Variants in AGAP1 observed in about 807,000 individuals in gnomAD.
AGAP1 encodes the protein ArfGAP with GTPase domain, ankyrin repeat and PH domain 1.
Under a neutral mutation model 105.3 loss-of-function variants are expected in AGAP1, and 29 were observed. The observed-to-expected ratio is 0.28, with a 90% CI of 0.21 to 0.38. AGAP1 has a LOEUF of 0.38. Among genes scored for constraint, AGAP1 ranks in the 10% least tolerant of loss-of-function variants. The probability of loss-of-function intolerance (pLI) is 1.00; values close to 1 mark genes in which losing one functional copy is unlikely to be tolerated. For synonymous variants in AGAP1, 509 were observed against 485.9 expected (o/e 1.05, Z -0.63); for missense variants, 998 against 1,165.1 (o/e 0.86, Z 2.09).
intron 11 of AGAP1, among the ~76,000 whole-genome samples, chr2:235,916,479 T>A (rs1385720743): frequency 1.3e-5 from 2 of 152,254 alleles, no homozygotes; most frequent in African/African-American, 2.4e-5. Context: ...AGAGTTGTAT[T>A]AGCTTCCACA....
At chr2:235,571,648 G>A (rs1944518171) in intron 1 of AGAP1, among the ~76,000 whole-genome samples, 1 of 152,074 alleles carries the variant, frequency 6.6e-6, no homozygotes, top group Non-Finnish European at 1.5e-5. Flanking sequence ...GTGTTACAGG[G>A]AAATTGTGAA....
chr2:235,846,807 T>C (rs1327241628), intron 9 of AGAP1, among the ~76,000 whole-genome samples: 1 of 152,182 alleles, frequency 6.6e-6, no homozygotes, highest in Non-Finnish European at 1.5e-5. Flanking sequence ...TGGCTTTTTT[T>C]GTAGAGAACA....
At chr2:235,605,621 C>T (rs767728328) in intron 1 of AGAP1, among the ~76,000 whole-genome samples, 13 of 152,160 alleles carry the variant, frequency 8.5e-5, no homozygotes, top group East Asian at 7.7e-4. Flanking sequence ...AGAAGGAAAG[C>T]GATATTTAAG....
At chr2:235,862,913 G>A (rs1416338984) in intron 9 of AGAP1, among the ~76,000 whole-genome samples, 2 of 152,166 alleles carry the variant, frequency 1.3e-5, no homozygotes, top group Admixed American at 6.5e-5. Context: ...CTGTGTGCAT[G>A]CTTTTTCTAA....
intron 10 of AGAP1, among the ~76,000 whole-genome samples, chr2:235,896,018 TATC>T (rs1386215650): frequency 1.3e-5 from 2 of 152,214 alleles, no homozygotes; most frequent in Non-Finnish European, 2.9e-5. Context: ...TGTTCAGTAG[TATC>T]ATATACGTTC....
chr2:235,543,673 T>G (rs893410996), intron 1 of AGAP1, among the ~76,000 whole-genome samples: 4 of 152,110 alleles, frequency 2.6e-5, no homozygotes, highest in Non-Finnish European at 4.4e-5. Flanking sequence ...GACCTCACTC[T>G]CCAAGGATCT....
At chr2:235,833,488 C>A (rs1213466578) in intron 9 of AGAP1, among the ~76,000 whole-genome samples, 1 of 151,980 alleles carries the variant, frequency 6.6e-6, no homozygotes, top group African/African-American at 2.4e-5. Context: ...ACCTAAACCA[C>A]CCACCCCCAC....
rs541016707 is a variant in AGAP1 at position 235,542,776 on chromosome 2, C to A, written c.163+47927C>A. 5.3e-5 allele frequency among the ~76,000 whole-genome samples: 8 copies of A among 152,124 alleles called. No homozygotes were observed. The East Asian group carries it at 1.5e-3, about 29-fold the overall frequency. On this transcript the variant is annotated intron_variant, in intron 1 of 17. Coordinates refer to ENST00000304032, the MANE Select transcript of AGAP1 (RefSeq NM_001037131.3). ...AAGTAATATATGTGTATTTTTGTGC[C>A]AAGCCATTTGAGATGCCCTGCAGGC...
intron 1 of AGAP1, among the ~76,000 whole-genome samples, chr2:235,624,616 T>G (rs942092151): frequency 1.3e-5 from 2 of 152,208 alleles, no homozygotes; most frequent in Admixed American, 6.5e-5. Context: ...GGCATTGTAA[T>G]GTTTGTGCTT....
intron 1 of AGAP1, among the ~76,000 whole-genome samples, chr2:235,684,850 G>A (rs528067395): frequency 8.5e-5 from 13 of 152,280 alleles, no homozygotes; most frequent in African/African-American, 3.1e-4. Flanking sequence ...AGACTATCTG[G>A]CATTAGGAAC....
intron 1 of AGAP1, among the ~76,000 whole-genome samples, chr2:235,542,707 T>C (rs924827663): frequency 1.3e-5 from 2 of 152,228 alleles, no homozygotes; most frequent in African/African-American, 4.8e-5. Context: ...TCTTGGAGAC[T>C]TTAAAAAACT....
chr2:235,869,620 G>A (rs1304926068), intron 9 of AGAP1, among the ~76,000 whole-genome samples: 3 of 151,960 alleles, frequency 2.0e-5, no homozygotes, highest in Non-Finnish European at 4.4e-5. Flanking sequence ...AAATAAAAGT[G>A]CCACCTTATT....
intron 6 of AGAP1, among the ~76,000 whole-genome samples, chr2:235,764,503 C>T (rs1954749505): frequency 6.6e-6 from 1 of 152,208 alleles, no homozygotes; most frequent in Admixed American, 6.5e-5. Context: ...TCTGTTATTC[C>T]ATGTTTGAAA....
chr2:235,817,442 T>C (rs1240453190), intron 9 of AGAP1, among the ~76,000 whole-genome samples: 2 of 152,104 alleles, frequency 1.3e-5, no homozygotes, highest in Admixed American at 6.5e-5. Context: ...AAAACACTTT[T>C]TCCTCTCCTA....
intron 1 of AGAP1, among the ~76,000 whole-genome samples, chr2:235,539,360 C>T (rs1309167711): frequency 6.6e-6 from 1 of 152,164 alleles, no homozygotes; most frequent in Non-Finnish European, 1.5e-5. Context: ...TCTTAGGGAG[C>T]TTTCTGATTG....
rs962646818 is a variant in AGAP1 at position 235,993,580 on chromosome 2, C to T, written c.1645+24957C>T. ...AGAAACCAATGCTTCCCAAAGTTCA[C>T]ATTGTGGAAACTGAAGCCAGCAAGA... On this transcript the variant is annotated intron_variant, in intron 13 of 17. Transcript: ENST00000304032. This position sits in a 1 kb window ranked among gnomAD's most constrained non-coding sequence, Gnocchi z 5.0. Among the ~76,000 whole-genome samples, 1 of 152,174 alleles carries T rather than the reference C, an allele frequency of 6.6e-6. No homozygotes were observed. Among genetic ancestry groups the T allele is most frequent in the African/African-American group, 2.4e-5 (1 of 41,430 alleles).
chr2:235,658,705 C>G (rs1452641642), intron 1 of AGAP1, among the ~76,000 whole-genome samples: 2 of 152,106 alleles, frequency 1.3e-5, no homozygotes, highest in Admixed American at 6.5e-5. Context: ...TCCAGGAACT[C>G]TGGAAGGAAA....
chr2:235,619,252 A>G (rs2149267500), intron 1 of AGAP1, among the ~76,000 whole-genome samples: 1 of 152,318 alleles, frequency 6.6e-6, no homozygotes, highest in Non-Finnish European at 1.5e-5. Flanking sequence ...GGCGATCCCC[A>G]CTTTACCATG....
chr2:235,950,248 C>G (rs1407764345), intron 12 of AGAP1, among the ~76,000 whole-genome samples: 2 of 152,220 alleles, frequency 1.3e-5, no homozygotes, highest in Non-Finnish European at 2.9e-5. Context: ...AAAGTCTTCT[C>G]TCCCAGTGGT....
Sources: gnomAD v4.1 joint callset for allele counts (sites outside exome capture counted in the v4.1 genomes callset) on GRCh38, gnomAD v4.1.1 for gene constraint, Gnocchi (gnomAD v3.1) non-coding constraint, MANE v1.5 for transcripts, NCBI Gene and HGNC (gene_info 2026-07-23, HGNC 2026-07-21) for gene names.